Variants in POLR3G observed in about 807,000 individuals in gnomAD.
POLR3G encodes DNA-directed RNA polymerase III subunit RPC7.
POLR3G carries 28 observed loss-of-function variants against 30.1 expected under a neutral mutation model. The observed-to-expected ratio is 0.93, with a 90% CI of 0.69 to 1.27. The LOEUF (loss-of-function observed/expected upper bound fraction) is 1.27, where lower values mean the gene tolerates loss of function less well. POLR3G is among the 50% of genes most tolerant of loss of function. The pLI is 0.00. For missense variants in POLR3G, 254 were observed against 264.6 expected (o/e 0.96, Z 0.28); for synonymous variants, 79 against 82.5 (o/e 0.96, Z 0.23).
chr5:90,499,750 A>G (rs1430830008), intron 5 of POLR3G, among the ~76,000 whole-genome samples: 1 of 152,218 alleles, frequency 6.6e-6, no homozygotes, highest in Non-Finnish European at 1.5e-5. Context: ...TTTGAAGTAC[A>G]TACACAATTT....
At chr5:90,501,479 T>C (rs1334265065) in intron 5 of POLR3G, among the ~76,000 whole-genome samples, 1 of 152,200 alleles carries the variant, frequency 6.6e-6, no homozygotes, top group Non-Finnish European at 1.5e-5. Context: ...CCTTTTTATT[T>C]TACACACCTG....
At chr5:90,485,450 G>A (rs1013951754) in intron 1 of POLR3G, 75 bp from the exon 2 acceptor site, 16 of 706,498 alleles carry the variant, frequency 2.3e-5, no homozygotes, top group Admixed American at 9.8e-5. Context: ...TACTTAAGGG[G>A]TGCAGTTTTA....
intron 2 of POLR3G, among the ~76,000 whole-genome samples, chr5:90,486,491 C>T (rs573927975): frequency 2.0e-3 from 303 of 152,316 alleles, no homozygotes; most frequent in African/African-American, 6.0e-3. Flanking sequence ...CCGATCTCTC[C>T]GTTCTGATGT....
In POLR3G at chr5:90,514,125, T is replaced by TGAAA; in HGVS notation, c.*1989_*1992dup. ...CCGTTAAGAGCCTTCTTTCCCCCTT[T>TGAAA]GAAAGATCCTTTTACAATGTTAAAG... On this transcript the variant is annotated 3_prime_UTR_variant, in exon 8 of 8. Coordinates refer to ENST00000651687, the MANE Select transcript of POLR3G (RefSeq NM_006467.3). 1 of 152,196 alleles carries TGAAA rather than the reference T, an allele frequency of 6.6e-6. No homozygotes were observed. Among genetic ancestry groups the TGAAA allele is most frequent in the East Asian group, 1.9e-4 (1 of 5,192 alleles). The allele number at this position is 152,196 out of a possible 1,614,324, so 9.4% of individuals were successfully genotyped here.
At chr5:90,503,085 T>G (rs982146977) in intron 6 of POLR3G, among the ~76,000 whole-genome samples, 5 of 152,212 alleles carry the variant, frequency 3.3e-5, no homozygotes, top group Non-Finnish European at 7.3e-5. Context: ...GCATGCATTG[T>G]CTTGCCTTGG....
intron 4 of POLR3G, among the ~76,000 whole-genome samples, chr5:90,496,102 G>C (rs975447288): frequency 3.3e-5 from 5 of 151,964 alleles, no homozygotes; most frequent in African/African-American, 1.2e-4. Flanking sequence ...CTCCCGAGTA[G>C]CTGGGACTAC....
intron 3 of POLR3G, among the ~76,000 whole-genome samples, chr5:90,488,749 A>T (rs1751576256): frequency 6.6e-6 from 1 of 152,086 alleles, no homozygotes; most frequent in African/African-American, 2.4e-5. Context: ...AATTTTTGAG[A>T]CTTAATTTTG....
chr5:90,474,330 C>T (rs1750657319), upstream of POLR3G: 2 of 1,575,028 alleles, frequency 1.3e-6, no homozygotes, highest in Non-Finnish European at 1.7e-6. Context: ...TGAGTGTGGG[C>T]GTGCGAGTCT....
upstream of POLR3G, chr5:90,473,946 G>T: frequency 6.2e-7 from 1 of 1,603,658 alleles, no homozygotes; most frequent in South Asian, 1.1e-5. Context: ...CCAGGTCACG[G>T]TCTCAAAGTT....
intron 2 of POLR3G, among the ~76,000 whole-genome samples, chr5:90,487,658 TG>T (rs1297748844): frequency 7.2e-5 from 11 of 152,134 alleles, no homozygotes; most frequent in African/African-American, 2.7e-4. Context: ...TCCAAAGTGC[TG>T]GGATTACAGG....
In POLR3G at chr5:90,514,441, T is replaced by A. The variant is rs1752874382; in HGVS notation, c.*2302T>A. 6.8e-6 allele frequency: 1 copy of A among 146,204 alleles called. No individual in the cohort carries two copies. Among genetic ancestry groups the A allele is most frequent in the Non-Finnish European group, 1.5e-5 (1 of 66,842 alleles). The allele number at this position is 146,204 out of a possible 1,614,324, so 9.1% of individuals were successfully genotyped here. On this transcript the variant is annotated 3_prime_UTR_variant, in exon 8 of 8. Transcript: ENST00000651687. ...TAAGATGTTTTATTTTGAACTTATT[T>A]AAATGTTTATTTGTTAGAGAAAACT...
At chr5:90,495,197 T>C (rs1308479109) in intron 3 of POLR3G, among the ~76,000 whole-genome samples, 5 of 152,246 alleles carry the variant, frequency 3.3e-5, no homozygotes, top group Non-Finnish European at 7.3e-5. Context: ...CCTTGATTTT[T>C]ATCCATTCAT....
chr5:90,475,700 C>CT (rs1237603613), intron 1 of POLR3G, among the ~76,000 whole-genome samples: 2 of 152,096 alleles, frequency 1.3e-5, no homozygotes, highest in East Asian at 3.9e-4. Context: ...ATTGAAATAT[C>CT]TATTTAGGGT....
At chr5:90,491,847 A>G (rs1001977373) in intron 3 of POLR3G, among the ~76,000 whole-genome samples, 1 of 152,190 alleles carries the variant, frequency 6.6e-6, no homozygotes, top group African/African-American at 2.4e-5. Context: ...GAATGATGAA[A>G]TTGACTGTGC....
At chr5:90,474,006 T>C, upstream of POLR3G, 1 of 1,595,228 alleles carries the variant, frequency 6.3e-7, no homozygotes, top group Non-Finnish European at 8.5e-7. Flanking sequence ...TGCCACGCGG[T>C]CGAACTGGTA....
intron 5 of POLR3G, 92 bp downstream of exon 5, chr5:90,497,798 C>G (rs1041966679): frequency 2.3e-5 from 32 of 1,416,806 alleles, no homozygotes; most frequent in Non-Finnish European, 2.7e-5. Flanking sequence ...GTTATACTCA[C>G]TGTTCTTAAT....
intron 2 of POLR3G, among the ~76,000 whole-genome samples, chr5:90,486,187 T>C (rs1223739965): frequency 6.6e-6 from 1 of 152,216 alleles, no homozygotes; most frequent in African/African-American, 2.4e-5. Flanking sequence ...TTCCATAATA[T>C]ATAATGTTTT....
At chr5:90,481,840 A>G (rs1751139537) in intron 1 of POLR3G, among the ~76,000 whole-genome samples, 2 of 152,196 alleles carry the variant, frequency 1.3e-5, no homozygotes, top group Non-Finnish European at 2.9e-5. Flanking sequence ...TGTAGATGCA[A>G]TGTTATTGTG....
chr5:90,504,499 T>C (rs1167270518), intron 6 of POLR3G, among the ~76,000 whole-genome samples: 6 of 151,318 alleles, frequency 4.0e-5, no homozygotes, highest in Non-Finnish European at 7.4e-5. Context: ...GAGGTGGAGC[T>C]TGCAGTGAGC....
Sources: allele counts gnomAD v4.1 joint callset (sites outside exome capture counted in the v4.1 genomes callset), GRCh38; gene constraint gnomAD v4.1.1; transcripts MANE v1.5; gene names NCBI Gene and HGNC (gene_info 2026-07-23, HGNC 2026-07-21).